Variants in LAMP1 observed in about 807,000 individuals in gnomAD.
LAMP1 encodes the protein lysosome associated membrane protein 1.
Under a neutral mutation model 37.5 loss-of-function variants are expected in LAMP1, and 7 were observed. That is an observed-to-expected ratio of 0.19 (90% CI 0.11 to 0.35). The LOEUF (loss-of-function observed/expected upper bound fraction) is 0.35. LAMP1 is among the 10% of genes least tolerant of loss of function. The pLI is 1.00. For synonymous variants in LAMP1, 236 were observed against 229.1 expected (o/e 1.03, Z -0.27); for missense variants, 537 against 552.8 (o/e 0.97, Z 0.29).
At chr13:113,304,938 G>C (rs1276836662) in intron 1 of LAMP1, 2 of 152,224 alleles carry the variant, frequency 1.3e-5, no homozygotes, top group African/African-American at 2.4e-5. Flanking sequence ...GATTACAGGC[G>C]TGAGCCACTG....
chr13:113,311,678 C>T (rs1405245944), intron 4 of LAMP1, among the ~76,000 whole-genome samples: 2 of 152,240 alleles, frequency 1.3e-5, no homozygotes, highest in African/African-American at 2.4e-5. Flanking sequence ...CAGGCCACCT[C>T]CTAGCCCTGT....
chr13:113,317,345 T>C (rs984896893), intron 4 of LAMP1, among the ~76,000 whole-genome samples: 3 of 152,198 alleles, frequency 2.0e-5, no homozygotes, highest in African/African-American at 7.2e-5. Context: ...TTAGTACGCA[T>C]TCAGGGAAGG....
At chr13:113,311,387 C>T (rs1340561319) in intron 4 of LAMP1, among the ~76,000 whole-genome samples, 3 of 152,324 alleles carry the variant, frequency 2.0e-5, no homozygotes, top group East Asian at 3.9e-4. Flanking sequence ...TCCTGACACA[C>T]ATGGTAAACG....
At chr13:113,306,703 C>CTGA in intron 2 of LAMP1, 97 bp downstream of exon 2, 2 of 1,384,996 alleles carry the variant, frequency 1.4e-6, no homozygotes, top group African/African-American at 1.4e-5. Flanking sequence ...CCCATCTGAA[C>CTGA]ATGGTGCTTT....
At chr13:113,307,131 G>A (rs1157774068) in intron 2 of LAMP1, among the ~76,000 whole-genome samples, 3 of 139,552 alleles carry the variant, frequency 2.1e-5, no homozygotes, top group Non-Finnish European at 4.6e-5. Flanking sequence ...GAGCCACCGC[G>A]CCCAGCCTAT....
intron 1 of LAMP1, among the ~76,000 whole-genome samples, chr13:113,301,643 AAATATATATATATATATATAT>A (rs1213813450): frequency 0.014 from 70 of 4,856 alleles, 3 homozygotes; most frequent in African/African-American, 0.049. Flanking sequence ...AAAAAAAAAA[AAATATATATATATATATATAT>A]ATATATATAT....
intron 1 of LAMP1, among the ~76,000 whole-genome samples, chr13:113,298,913 C>T (rs1198781034): frequency 6.6e-6 from 1 of 152,248 alleles, no homozygotes; most frequent in Non-Finnish European, 1.5e-5. Context: ...GTGGCCGAGG[C>T]AGATGGATCA....
intron 1 of LAMP1, among the ~76,000 whole-genome samples, chr13:113,300,520 A>G (rs960679595): frequency 6.6e-6 from 1 of 151,086 alleles, no homozygotes; most frequent in Non-Finnish European, 1.5e-5. Context: ...AAGAAAAGAA[A>G]GAAAAGCTGG....
chr13:113,315,595 T>C (rs2042658983), intron 4 of LAMP1, among the ~76,000 whole-genome samples: 1 of 151,444 alleles, frequency 6.6e-6, no homozygotes. Flanking sequence ...TGCACCATGT[T>C]GGCCAGGCTG....
chr13:113,323,283 A>G lies in LAMP1; in HGVS notation c.*862A>G, dbSNP rs558666741. ...AAGTGATTTTTGGTCTTCTGTTGAC[A>G]TTCGGGGTGATCCTGTTCTGCGCTG... On this transcript the variant is annotated 3_prime_UTR_variant, in exon 9 of 9. Coordinates refer to ENST00000332556, the MANE Select transcript of LAMP1 (RefSeq NM_005561.4). 1 of 152,090 alleles carries G rather than the reference A, an allele frequency of 6.6e-6. No individual in the cohort carries two copies. Among genetic ancestry groups the G allele is most frequent in the East Asian group, 1.9e-4 (1 of 5,178 alleles). 9.4% of individuals were successfully genotyped at this position (152,090 alleles called of 1,614,324 possible).
At position 113,321,623 on chromosome 13, in the gene LAMP1, A is replaced by G. The variant is rs768240089; in HGVS notation, c.1010A>G (p.Lys337Arg). 2 of 1,614,226 alleles carry G rather than the reference A, an allele frequency of 1.2e-6. No individual in the cohort carries two copies. Among genetic ancestry groups the G allele is most frequent in the South Asian group, 2.2e-5 (2 of 91,084 alleles). The part of the protein sequence containing the change: ...ALQATVGNSY[K>R]CNAEEHVRVT... ...CAGGCCACAGTCGGCAATTCCTACA[A>G]GTGCAACGCGGAGGAGCACGTCCGT... Residue 337 changes from lysine to arginine, a missense_variant, in exon 8 of 9, where the codon AAG becomes AGG. By Grantham distance (26) the Lys-to-Arg change is conservative (BLOSUM62 2). Coordinates refer to ENST00000332556, the MANE Select transcript of LAMP1 (RefSeq NM_005561.4). The surrounding 1 kb of genome is among the most constrained non-coding windows in gnomAD (Gnocchi z 5.6).
At position 113,320,754 on chromosome 13, in the gene LAMP1, C is replaced by T. The variant is rs2042693673; in HGVS notation, c.876+284C>T. ...GGCCTTCTGGCTTCAGATGCTGCTG[C>T]CCTGTGGTTCCGTGGTGGCATTTCT... is the stretch of plus-strand genomic sequence containing the variant. On this transcript the variant is annotated intron_variant, in intron 6 of 8. Coordinates refer to ENST00000332556, the MANE Select transcript of LAMP1 (RefSeq NM_005561.4). This position sits in a 1 kb window ranked among gnomAD's most constrained non-coding sequence, Gnocchi z 4.4. 3 of 429,584 alleles carry T rather than the reference C, an allele frequency of 7.0e-6. No homozygotes were observed. Among genetic ancestry groups the T allele is most frequent in the Admixed American group, 7.7e-5 (2 of 26,068 alleles). 26.6% of individuals were successfully genotyped at this position (429,584 alleles called of 1,614,324 possible). A position where few individuals can be genotyped will look rare whatever the true frequency, so the allele number is the denominator to read the frequency against.
chr13:113,320,410 C>T lies in LAMP1; in HGVS notation c.816C>T (p.His272=). The T allele has an allele frequency of 3.7e-6, 6 of 1,612,924 alleles. No individual in the cohort carries two copies. The highest frequency in any genetic ancestry group is 5.1e-6 in the Non-Finnish European group (6 of 1,180,004). Residue 272 remains histidine, a synonymous_variant, in exon 6 of 9, where the codon CAC becomes CAT. Transcript: ENST00000332556. The surrounding 1 kb of genome is among the most constrained non-coding windows in gnomAD (Gnocchi z 4.4). ...CGGCCAGCGGGAGCTGCGGCGCCCACCTGGTGACTCTGGAGCTGCACAGCG... is the reference window on the plus strand; with the variant it reads ...CGGCCAGCGGGAGCTGCGGCGCCCATCTGGTGACTCTGGAGCTGCACAGCG... ...KTSASGSCGA[H]LVTLELHSEG...
chr13:113,301,498 C>CTG (rs1379980904), intron 1 of LAMP1, among the ~76,000 whole-genome samples: 2 of 151,562 alleles, frequency 1.3e-5, no homozygotes, highest in Non-Finnish European at 2.9e-5. Flanking sequence ...TGGCGTACCC[C>CTG]TGTAGTCATA....
chr13:113,301,753 A>C (rs2042575689), intron 1 of LAMP1, among the ~76,000 whole-genome samples: 1 of 145,292 alleles, frequency 6.9e-6, no homozygotes, highest in Admixed American at 7.0e-5. Context: ...CTGGGATGGT[A>C]TTTTTTTCCT....
rs901728559 is a variant in LAMP1, at chr13:113,310,889, C to A, written c.562+22C>A. 12 of 1,605,302 alleles carry A rather than the reference C, an allele frequency of 7.5e-6. 1 individual carries two copies. The highest frequency in any genetic ancestry group is 9.4e-6 in the Non-Finnish European group (11 of 1,175,150). Reference sequence around the variant, plus strand: ...GGAGGTAGGACGCTGACCCTTGGCCCTCTGGTGCTAGTGGTTGGGTAGCTG... The same window carrying A: ...GGAGGTAGGACGCTGACCCTTGGCCATCTGGTGCTAGTGGTTGGGTAGCTG... On this transcript the variant is annotated intron_variant, in intron 4 of 8. Coordinates refer to ENST00000332556, the MANE Select transcript of LAMP1 (RefSeq NM_005561.4).
Position 113,320,265 on chromosome 13 carries a change from A to C in LAMP1, c.751-80A>C, listed in dbSNP as rs1319738885. On this transcript the variant is annotated intron_variant, in intron 5 of 8. Coordinates refer to ENST00000332556, the MANE Select transcript of LAMP1 (RefSeq NM_005561.4). The surrounding 1 kb of genome is among the most constrained non-coding windows in gnomAD (Gnocchi z 4.4). ...TTAAAACAAATGTGGCCTTGAATTC[A>C]CGGTTTCAGGACTGTTTGTCTTTTC... 2 of 1,547,532 alleles carry C rather than the reference A, an allele frequency of 1.3e-6. No homozygotes were observed. Among genetic ancestry groups the C allele is most frequent in the Non-Finnish European group, 1.8e-6 (2 of 1,125,512 alleles).
chr13:113,308,299 A>G (rs1472332516), intron 2 of LAMP1, among the ~76,000 whole-genome samples: 1 of 135,044 alleles, frequency 7.4e-6, no homozygotes, highest in Non-Finnish European at 1.6e-5. Context: ...TACAGGTGTG[A>G]GCTACCGTAC....
intron 4 of LAMP1, among the ~76,000 whole-genome samples, chr13:113,312,655 G>A (rs922078988): frequency 2.0e-5 from 3 of 152,192 alleles, no homozygotes; most frequent in Admixed American, 6.5e-5. Flanking sequence ...ACAGGGCCCC[G>A]GGGGCCGTGG....
Sources: allele counts gnomAD v4.1 joint callset (sites outside exome capture counted in the v4.1 genomes callset), GRCh38; gene constraint gnomAD v4.1.1; non-coding constraint Gnocchi (gnomAD v3.1); transcripts MANE v1.5; gene names NCBI Gene and HGNC (gene_info 2026-07-23, HGNC 2026-07-21).